Variants in PREX1 observed in about 807,000 individuals in gnomAD.
PREX1 encodes phosphatidylinositol-3,4,5-trisphosphate dependent Rac exchange factor 1.
A neutral mutation model predicts 198.3 loss-of-function variants in PREX1; 41 were observed. That is an observed-to-expected ratio of 0.21 (90% CI 0.16 to 0.27). The LOEUF (loss-of-function observed/expected upper bound fraction) is 0.27, where lower values mean the gene tolerates loss of function less well. Ranked by LOEUF, PREX1 falls within the 10% of genes least tolerant of loss-of-function variation. PREX1 has a pLI of 1.00. For missense variants in PREX1, 1,620 were observed against 2,200.7 expected (o/e 0.74, Z 5.28); for synonymous variants, 843 against 887.2 (o/e 0.95, Z 0.89).
chr20:48,638,195 C>T (rs531750993), intron 30 of PREX1, among the ~76,000 whole-genome samples: 47 of 152,268 alleles, frequency 3.1e-4, no homozygotes, highest in Admixed American at 2.0e-3. Context: ...TATGTACACA[C>T]GCAGGTACAC....
chr20:48,648,889 C>T lies in PREX1; in HGVS notation c.3305+411G>A, dbSNP rs184461290. Among the ~76,000 whole-genome samples, 7 of 152,266 alleles carry T rather than the reference C, an allele frequency of 4.6e-5. No individual in the cohort carries two copies. In the East Asian group the frequency reaches 1.4e-3, roughly 29 times the overall value. Reference sequence around the variant, plus strand: ...GGCAAGAGCCTCGTGGGCGGGGCTGCGTCTGTGTCCTGTTGTATTACAGCA... The same window carrying T: ...GGCAAGAGCCTCGTGGGCGGGGCTGTGTCTGTGTCCTGTTGTATTACAGCA... On this transcript the variant is annotated intron_variant, in intron 25 of 39. Transcript: ENST00000371941.
At chr20:48,659,249 G>GAAGGAAGGAAGGAAGGAAGGAAGC (rs2089570595) in intron 16 of PREX1, among the ~76,000 whole-genome samples, 1 of 141,554 alleles carries the variant, frequency 7.1e-6, no homozygotes, top group Admixed American at 7.2e-5. Flanking sequence ...AGGAAGGAAG[G>GAAGGAAGGAAGGAAGGAAGGAAGC]AAGGAAGGAA....
chr20:48,691,769 G>A lies in PREX1; in HGVS notation c.1037-673C>T, dbSNP rs1348282929. Among the ~76,000 whole-genome samples, 4 of 152,198 alleles carry A rather than the reference G, an allele frequency of 2.6e-5. No individual in the cohort carries two copies. The highest frequency in any genetic ancestry group is 4.8e-5 in the African/African-American group (2 of 41,442). On this transcript the variant is annotated intron_variant, in intron 8 of 39. Coordinates refer to ENST00000371941, the MANE Select transcript of PREX1 (RefSeq NM_020820.4). The surrounding 1 kb of genome is among the most constrained non-coding windows in gnomAD (Gnocchi z 5.0). The stretch of plus-strand genomic sequence containing the variant: ...AATGGATGAAGTGTGAAATGTTCAC[G>A]TGACGGAACACTCTGCAGCAATGGA...
intron 1 of PREX1, among the ~76,000 whole-genome samples, chr20:48,786,714 C>T (rs2090313799): frequency 6.8e-6 from 1 of 147,014 alleles, no homozygotes; most frequent in African/African-American, 2.5e-5. Flanking sequence ...CACTGCACTC[C>T]AGCCTGGGTC....
At chr20:48,885,136 A>G in the PREX1 span, among the ~76,000 whole-genome samples, 63 of 152,324 alleles carry the variant, frequency 4.1e-4, no homozygotes, top group African/African-American at 1.4e-3. Context: ...GTTAACGCAT[A>G]TAAAGAAGAG....
At chr20:48,638,237 A>G (rs2089381200) in intron 30 of PREX1, among the ~76,000 whole-genome samples, 1 of 152,004 alleles carries the variant, frequency 6.6e-6, no homozygotes, top group Non-Finnish European at 1.5e-5. Flanking sequence ...GCAGACACAC[A>G]AGTGCACACC....
chr20:48,860,727 C>G, the PREX1 span, among the ~76,000 whole-genome samples: 1 of 151,354 alleles, frequency 6.6e-6, no homozygotes, highest in African/African-American at 2.4e-5. Flanking sequence ...GTAGCCTACT[C>G]AGGAAGCTGA....
the PREX1 span, among the ~76,000 whole-genome samples, chr20:48,847,747 C>T: frequency 6.6e-6 from 1 of 152,168 alleles, no homozygotes; most frequent in Non-Finnish European, 1.5e-5. Context: ...CCCTTCCAAT[C>T]GAGATCTAGA....
intron 4 of PREX1, among the ~76,000 whole-genome samples, chr20:48,733,144 C>T (rs1436692084): frequency 1.3e-5 from 2 of 152,178 alleles, no homozygotes; most frequent in Non-Finnish European, 2.9e-5. Context: ...AATGACAATC[C>T]GTTTTATACA....
chr20:48,640,373 G>A (rs934777427), intron 29 of PREX1, among the ~76,000 whole-genome samples: 19 of 152,188 alleles, frequency 1.2e-4, no homozygotes, highest in Non-Finnish European at 2.1e-4. Flanking sequence ...GACAGCGCTG[G>A]GACTTACCTC....
chr20:48,730,953 G>A (rs1601101556), intron 4 of PREX1, among the ~76,000 whole-genome samples: 1 of 152,266 alleles, frequency 6.6e-6, no homozygotes, highest in African/African-American at 2.4e-5. Flanking sequence ...CCATGATCAA[G>A]CCATTACATT....
At chr20:48,835,728 G>A in the PREX1 span, among the ~76,000 whole-genome samples, 1 of 152,200 alleles carries the variant, frequency 6.6e-6, no homozygotes, top group Admixed American at 6.5e-5. Context: ...GTTGACCATA[G>A]GACTTTGGCT....
rs556985682 is a variant in PREX1, at chr20:48,625,647, C to G, written c.*238G>C. 3.8e-6 allele frequency: 2 copies of G among 521,760 alleles called. No homozygotes were observed. The highest frequency in any genetic ancestry group is 4.1e-5 in the African/African-American group (2 of 49,296). 32.3% of individuals were successfully genotyped at this position (521,760 alleles called of 1,614,324 possible). On this transcript the variant is annotated 3_prime_UTR_variant, in exon 40 of 40. Transcript: ENST00000371941. ...TCAGCTCTATGGGTCTCCAGCACCC[C>G]TCCAGCTTCTGGCAGGCGTGTGAAG...
intron 9 of PREX1, among the ~76,000 whole-genome samples, chr20:48,689,550 C>A (rs1382083137): frequency 1.3e-5 from 2 of 152,114 alleles, no homozygotes; most frequent in African/African-American, 4.8e-5. Context: ...CCAATTCTAA[C>A]AACTAAGACC....
chr20:48,800,238 G>T (rs912404014), intron 1 of PREX1, among the ~76,000 whole-genome samples: 7 of 152,122 alleles, frequency 4.6e-5, no homozygotes, highest in African/African-American at 1.7e-4. Flanking sequence ...AAGTGGCAGG[G>T]CTAATTCAAA....
In PREX1 at chr20:48,700,804, C is replaced by T; in HGVS notation, c.866G>A (p.Arg289Lys). 6.2e-7 allele frequency: 1 copy of T among 1,614,008 alleles called. No homozygotes were observed. The highest frequency in any genetic ancestry group is 8.5e-7 in the Non-Finnish European group (1 of 1,180,008). The change falls in exon 7 of 40, where the codon AGG becomes AAG. Residue 289 changes from arginine (R) to lysine (K), a missense_variant. Arg to Lys is a conservative substitution (Grantham distance 26). This residue lies in a region of PREX1 where 488 missense variants were observed against 802.5 expected (regional missense o/e 0.61). Transcript: ENST00000371941. Reference sequence around the variant, plus strand: ...AAGGTTGTCGAAGAGGAAGAAGGCCCTTTCCTGGATGTTGCCCGCAGAGAT... The same window carrying T: ...AAGGTTGTCGAAGAGGAAGAAGGCCTTTTCCTGGATGTTGCCCGCAGAGAT... ...LKISAGNIQE[R>K]AFFLFDNLLV...
intron 9 of PREX1, 98 bp downstream of exon 9, chr20:48,690,849 A>G (rs1026167676): frequency 5.9e-6 from 9 of 1,529,532 alleles, no homozygotes; most frequent in Admixed American, 5.2e-5. Context: ...ATCCTCCTGA[A>G]AAGGACCCTA....
At chr20:48,701,775 A>C (rs2089876059) in intron 6 of PREX1, among the ~76,000 whole-genome samples, 1 of 152,168 alleles carries the variant, frequency 6.6e-6, no homozygotes, top group Non-Finnish European at 1.5e-5. Flanking sequence ...TTACACGTCA[A>C]TCCCAAACCT....
chr20:48,706,935 G>A (rs547563950), intron 6 of PREX1, among the ~76,000 whole-genome samples: 2 of 152,306 alleles, frequency 1.3e-5, no homozygotes, highest in East Asian at 3.9e-4. Context: ...AGGTGGGAAA[G>A]GAGAATCAGA....
Sources: gnomAD v4.1 joint callset for allele counts (sites outside exome capture counted in the v4.1 genomes callset) on GRCh38, gnomAD v4.1.1 for gene constraint, gnomAD v4.1.1 regional missense constraint, Gnocchi (gnomAD v3.1) non-coding constraint, MANE v1.5 for transcripts, NCBI Gene and HGNC (gene_info 2026-07-23, HGNC 2026-07-21) for gene names.